ANO4: variants seen among roughly 807,000 people sequenced by gnomAD.
ANO4 encodes the protein anoctamin-4.
In ANO4, 69 loss-of-function variants were observed where a neutral mutation model predicts 141.9. The ratio of observed to expected loss-of-function variants is 0.49; its 90% CI spans 0.40 to 0.59. The LOEUF (loss-of-function observed/expected upper bound fraction) is 0.59. Ranked by LOEUF, ANO4 falls within the 20% of genes least tolerant of loss-of-function variation. The probability of loss-of-function intolerance (pLI) is 0.00; values close to 1 mark genes in which losing one functional copy is unlikely to be tolerated. For synonymous variants in ANO4, 350 were observed against 394.3 expected (o/e 0.89, Z 1.33); for missense variants, 894 against 1,162.2 (o/e 0.77, Z 3.36).
chr12:100,925,858 T>C (rs374427256), intron 3 of ANO4, among the ~76,000 whole-genome samples: 2,723 of 139,848 alleles, frequency 0.019, 77 homozygotes, highest in African/African-American at 0.061. Flanking sequence ...CACACACACA[T>C]ATATATATAT....
intron 1 of ANO4, among the ~76,000 whole-genome samples, chr12:100,720,541 A>G (rs2030818150): frequency 6.6e-6 from 1 of 151,802 alleles, no homozygotes; most frequent in East Asian, 1.9e-4. Flanking sequence ...GTGTTGTTAT[A>G]TAACTCCTCT....
intron 1 of ANO4, among the ~76,000 whole-genome samples, chr12:100,884,951 T>C (rs2039758345): frequency 6.6e-6 from 1 of 152,198 alleles, no homozygotes; most frequent in Non-Finnish European, 1.5e-5. Flanking sequence ...CGCCTTGGCC[T>C]CCCAGAATAC....
intron 4 of ANO4, among the ~76,000 whole-genome samples, chr12:100,939,782 A>G (rs1302500083): frequency 6.6e-6 from 1 of 152,164 alleles, no homozygotes; most frequent in African/African-American, 2.4e-5. Flanking sequence ...TAGATCCCCC[A>G]GTGGGTAGAA....
At chr12:101,043,309 C>G (rs921543221) in intron 12 of ANO4, among the ~76,000 whole-genome samples, 14 of 152,100 alleles carry the variant, frequency 9.2e-5, no homozygotes, top group Non-Finnish European at 1.6e-4. Context: ...ATGTATTTTC[C>G]TGAGTTTAAC....
At chr12:100,860,072 T>A (rs1420846776) in intron 1 of ANO4, among the ~76,000 whole-genome samples, 1 of 152,142 alleles carries the variant, frequency 6.6e-6, no homozygotes, top group African/African-American at 2.4e-5. Context: ...CAGTTTAATG[T>A]GGACCCTCAA....
intron 17 of ANO4, among the ~76,000 whole-genome samples, chr12:101,087,393 G>T (rs548419079): frequency 6.8e-4 from 104 of 151,968 alleles, no homozygotes; most frequent in African/African-American, 2.4e-3. Flanking sequence ...ATGGTGGTGT[G>T]CCCCTGTAGT....
At chr12:100,929,156 A>T (rs888871122) in intron 3 of ANO4, among the ~76,000 whole-genome samples, 3 of 152,058 alleles carry the variant, frequency 2.0e-5, no homozygotes, top group Non-Finnish European at 4.4e-5. Context: ...TTAAATGTAC[A>T]ATAAGTTATT....
intron 1 of ANO4, among the ~76,000 whole-genome samples, chr12:100,857,643 T>G (rs570410172): frequency 9.4e-4 from 143 of 152,260 alleles, no homozygotes; most frequent in Admixed American, 3.6e-3. Context: ...TGGGTTCAGC[T>G]GTCAAACAAT....
chr12:101,004,916 G>T (rs976409476), intron 8 of ANO4, among the ~76,000 whole-genome samples: 2 of 152,192 alleles, frequency 1.3e-5, no homozygotes, highest in African/African-American at 2.4e-5. Flanking sequence ...AAAACAGGGG[G>T]ATCATGGAAG....
intron 9 of ANO4, among the ~76,000 whole-genome samples, chr12:101,036,567 A>G (rs1016868357): frequency 1.3e-5 from 2 of 152,254 alleles, no homozygotes; most frequent in African/African-American, 4.8e-5. Flanking sequence ...CTTGGAAGGC[A>G]TCATGCTAGG....
At chr12:101,043,696 G>C in intron 13 of ANO4, 61 bp downstream of exon 13, 1 of 1,227,168 alleles carries the variant, frequency 8.1e-7, no homozygotes, top group Non-Finnish European at 1.2e-6. Context: ...CCTGAGGGAT[G>C]GTGGGTAACT....
At chr12:100,750,877 G>T (rs1279982832) in intron 3 of ANO4, among the ~76,000 whole-genome samples, 1 of 152,164 alleles carries the variant, frequency 6.6e-6, no homozygotes, top group Admixed American at 6.5e-5. Context: ...AATAGATTTT[G>T]AGCCAGAGAT....
chr12:101,109,034 A>T (rs2050557845), intron 22 of ANO4, among the ~76,000 whole-genome samples: 1 of 152,092 alleles, frequency 6.6e-6, no homozygotes, highest in South Asian at 2.1e-4. Flanking sequence ...ACAATTCCTC[A>T]GTCTGTCTTT....
chr12:101,025,498 A>C (rs1335809378), intron 9 of ANO4, among the ~76,000 whole-genome samples: 1 of 152,344 alleles, frequency 6.6e-6, no homozygotes, highest in African/African-American at 2.4e-5. Context: ...TAGAACCTTG[A>C]AGATCTGTAG....
chr12:100,726,145 G>A (rs553003895), intron 1 of ANO4, among the ~76,000 whole-genome samples: 2 of 152,240 alleles, frequency 1.3e-5, no homozygotes, highest in South Asian at 4.1e-4. Flanking sequence ...CCTCATGGTA[G>A]TTACGTGATG....
chr12:100,806,662 A>G (rs2035074734), intron 1 of ANO4, among the ~76,000 whole-genome samples: 1 of 147,708 alleles, frequency 6.8e-6, no homozygotes, highest in Non-Finnish European at 1.5e-5. Context: ...CTCCTGCCTC[A>G]GCCTCCTGAG....
At position 101,120,584 on chromosome 12, in the gene ANO4, C is replaced by T. The variant is rs2137056189; in HGVS notation, c.2635C>T (p.His879Tyr). The T allele has an allele frequency of 6.2e-7, 1 of 1,614,044 alleles. No homozygotes were observed. Among genetic ancestry groups the T allele is most frequent in the Non-Finnish European group, 8.5e-7 (1 of 1,179,988 alleles). ...CTATGGCTACACACTGCAGTTTTGG[C>T]ATGTCCTAGCTGCTCGATTAGCTTT... ...VPYGYTLQFW[H>Y]VLAARLAFII... The change falls in exon 26 of 28, where the codon CAT (histidine) becomes TAT (tyrosine). Residue 879 changes from histidine to tyrosine, a missense_variant. Physicochemically the swap from His to Tyr is moderately conservative, Grantham distance 83. Transcript: ENST00000392977.
intron 8 of ANO4, among the ~76,000 whole-genome samples, chr12:100,991,037 A>G (rs2045074028): frequency 6.6e-6 from 1 of 152,178 alleles, no homozygotes; most frequent in Non-Finnish European, 1.5e-5. Context: ...GACAGCTGGA[A>G]TGAATCAAAC....
chr12:101,016,993 G>T (rs945852261), intron 8 of ANO4, among the ~76,000 whole-genome samples: 2 of 152,190 alleles, frequency 1.3e-5, no homozygotes, highest in African/African-American at 4.8e-5. Context: ...ATAAATCAGA[G>T]TGTTCAGCAT....
Sources: gnomAD v4.1 joint callset for allele counts (sites outside exome capture counted in the v4.1 genomes callset) on GRCh38, gnomAD v4.1.1 for gene constraint, MANE v1.5 for transcripts, NCBI Gene and HGNC (gene_info 2026-07-23, HGNC 2026-07-21) for gene names.